Variants in CFAP263 observed in about 807,000 individuals in gnomAD.
CFAP263 encodes the protein cilia and flagella associated protein 263, also known as cilia- and flagella-associated protein 263.
chr16:58,262,281 T>A, the CFAP263 span: 1 of 1,072,202 alleles, frequency 9.3e-7, no homozygotes, highest in Non-Finnish European at 1.4e-6. Context: ...AATGACTGAA[T>A]GATGACTGAC....
the CFAP263 span, chr16:58,278,700 T>G: frequency 6.6e-7 from 1 of 1,520,806 alleles, no homozygotes; most frequent in Admixed American, 1.7e-5. Flanking sequence ...CACTTAGGAT[T>G]TTGTTCTTTG....
the CFAP263 span, among the ~76,000 whole-genome samples, chr16:58,257,014 C>CTTTTTTTTTTTTTTT: frequency 2.0e-3 from 85 of 41,918 alleles, 29 homozygotes; most frequent in African/African-American, 3.5e-3. Context: ...ATATGAATTT[C>CTTTTTTTTTTTTTTT]TTTTTTTTTT....
At chr16:58,266,374 CATATATATATATATATAT>C in the CFAP263 span, among the ~76,000 whole-genome samples, 1 of 41,406 alleles carries the variant, frequency 2.4e-5, no homozygotes. Flanking sequence ...CTCTTTCCAG[CATATATATATATATATAT>C]ATATATATAT....
At chr16:58,281,012 T>G in the CFAP263 span, 1 of 472,068 alleles carries the variant, frequency 2.1e-6, no homozygotes, top group Non-Finnish European at 3.8e-6. Flanking sequence ...ATATTTCATT[T>G]TCTTGCCCCT....
chr16:58,274,642 C>T, the CFAP263 span, among the ~76,000 whole-genome samples: 1 of 152,194 alleles, frequency 6.6e-6, no homozygotes, highest in Non-Finnish European at 1.5e-5. Flanking sequence ...CGAAAATGTG[C>T]CTTGCTTCTC....
chr16:58,280,100 C>T, the CFAP263 span: 3 of 972,504 alleles, frequency 3.1e-6, no homozygotes, highest in Non-Finnish European at 4.6e-6. Flanking sequence ...CCAGTGTATG[C>T]CATGGGCTTA....
chr16:58,273,553 G>A, the CFAP263 span, among the ~76,000 whole-genome samples: 2 of 152,036 alleles, frequency 1.3e-5, no homozygotes, highest in African/African-American at 4.8e-5. Flanking sequence ...CTACCTCTTT[G>A]TTGATTTTCT....
the CFAP263 span, among the ~76,000 whole-genome samples, chr16:58,274,776 G>A: frequency 6.6e-6 from 1 of 152,158 alleles, no homozygotes; most frequent in Non-Finnish European, 1.5e-5. Flanking sequence ...ATAGCAGTGT[G>A]AAAACAGACA....
chr16:58,262,799 A>G, the CFAP263 span, among the ~76,000 whole-genome samples: 1 of 147,644 alleles, frequency 6.8e-6, no homozygotes, highest in East Asian at 1.9e-4. Flanking sequence ...AGATAGATAG[A>G]TAGATAGACA....
chr16:58,262,791 A>ATAGATAGATAGATAGATAGATAGGTAGG, the CFAP263 span, among the ~76,000 whole-genome samples: 5 of 152,076 alleles, frequency 3.3e-5, no homozygotes, highest in Non-Finnish European at 7.4e-5. Context: ...AGATAGATAG[A>ATAGATAGATAGATAGATAGATAGGTAGG]TAGATAGATA....
At chr16:58,252,569 C>A in the CFAP263 span, among the ~76,000 whole-genome samples, 1 of 152,082 alleles carries the variant, frequency 6.6e-6, no homozygotes, top group Non-Finnish European at 1.5e-5. Flanking sequence ...TATTGGAACC[C>A]TAAAAGTTAA....
At chr16:58,272,096 C>T in the CFAP263 span, among the ~76,000 whole-genome samples, 1 of 151,388 alleles carries the variant, frequency 6.6e-6, no homozygotes, top group Non-Finnish European at 1.5e-5. Context: ...CTCACTGCAA[C>T]CTCCACCTCC....
At chr16:58,262,356 A>G in the CFAP263 span, 1 of 1,583,774 alleles carries the variant, frequency 6.3e-7, no homozygotes, top group Non-Finnish European at 8.6e-7. Context: ...CTGACGTATC[A>G]TCTTTTCTTT....
At chr16:58,254,973 C>T in the CFAP263 span, among the ~76,000 whole-genome samples, 1 of 152,068 alleles carries the variant, frequency 6.6e-6, no homozygotes. Flanking sequence ...TTGAGAGGGA[C>T]AGAACCAAGA....
At chr16:58,257,458 C>T in the CFAP263 span, among the ~76,000 whole-genome samples, 2 of 151,080 alleles carry the variant, frequency 1.3e-5, no homozygotes, top group African/African-American at 4.9e-5. Flanking sequence ...GGCCTCACTG[C>T]GTTGCTCAGG....
chr16:58,274,561 AGTTCTC>A, the CFAP263 span, among the ~76,000 whole-genome samples: 1 of 152,138 alleles, frequency 6.6e-6, no homozygotes, highest in South Asian at 2.1e-4. Context: ...ATAGTGAGGG[AGTTCTC>A]ATGAGATCTG....
At chr16:58,260,429 T>A in the CFAP263 span, among the ~76,000 whole-genome samples, 1 of 152,166 alleles carries the variant, frequency 6.6e-6, no homozygotes, top group East Asian at 1.9e-4. Context: ...CCACGAGGTT[T>A]GTGGTGATTT....
At chr16:58,262,227 A>G in the CFAP263 span, among the ~76,000 whole-genome samples, 1 of 152,142 alleles carries the variant, frequency 6.6e-6, no homozygotes. Context: ...CCAGTGCCTA[A>G]CACCATGCCT....
At chr16:58,272,115 C>T in the CFAP263 span, among the ~76,000 whole-genome samples, 3 of 151,568 alleles carry the variant, frequency 2.0e-5, no homozygotes, top group East Asian at 3.9e-4. Context: ...CCCGGGTTCA[C>T]GCCATTCTCC....
Sources: allele counts gnomAD v4.1 joint callset (sites outside exome capture counted in the v4.1 genomes callset), GRCh38; gene constraint gnomAD v4.1.1; transcripts MANE v1.5; gene names NCBI Gene and HGNC (gene_info 2026-07-23, HGNC 2026-07-21).